Variants in CNTN5 observed in about 807,000 individuals in gnomAD.
CNTN5 encodes the protein contactin-5.
CNTN5 carries 77 observed loss-of-function variants against 129.1 expected under a neutral mutation model. The observed-to-expected ratio is 0.60, with a 90% CI of 0.50 to 0.72. The LOEUF is 0.72. Ranked by LOEUF, CNTN5 falls within the 30% of genes least tolerant of loss-of-function variation. CNTN5 has a pLI of 0.00. For missense variants in CNTN5, 1,478 were observed against 1,328.8 expected, an observed-to-expected ratio of 1.11 and a Z score of -1.75; for synonymous variants, 509 against 465.6, an observed-to-expected ratio of 1.09 and a Z score of -1.20.
At chr11:99,957,058 A>T in intron 8 of CNTN5, 49 bp downstream of exon 8, 1 of 1,493,702 alleles carries the variant, frequency 6.7e-7, no homozygotes, top group Non-Finnish European at 9.2e-7. Flanking sequence ...AATTTGGAAA[A>T]TAAAGATGTA....
chr11:99,284,497 T>G (rs1863835579), intron 1 of CNTN5, among the ~76,000 whole-genome samples: 1 of 152,058 alleles, frequency 6.6e-6, no homozygotes, highest in South Asian at 2.1e-4. Flanking sequence ...TGTGACATAT[T>G]TTCTTATTTA....
intron 3 of CNTN5, among the ~76,000 whole-genome samples, chr11:99,807,967 T>C (rs1342492350): frequency 6.6e-6 from 1 of 152,164 alleles, no homozygotes; most frequent in African/African-American, 2.4e-5. Flanking sequence ...CTGTAACTTA[T>C]TCCCTAAGGG....
At chr11:99,214,811 A>C (rs1364638692) in intron 1 of CNTN5, among the ~76,000 whole-genome samples, 1 of 152,220 alleles carries the variant, frequency 6.6e-6, no homozygotes, top group East Asian at 1.9e-4. Flanking sequence ...GATACCATAA[A>C]CTTTCATCAT....
At chr11:100,139,239 G>A (rs919444501) in intron 13 of CNTN5, among the ~76,000 whole-genome samples, 1 of 151,970 alleles carries the variant, frequency 6.6e-6, no homozygotes, top group Non-Finnish European at 1.5e-5. Context: ...TTAAAGCCCC[G>A]GTTTAGCTCA....
intron 9 of CNTN5, among the ~76,000 whole-genome samples, chr11:100,033,452 C>T (rs1348842878): frequency 1.3e-5 from 2 of 151,980 alleles, no homozygotes; most frequent in African/African-American, 2.4e-5. Flanking sequence ...TATTTGTGAC[C>T]CCTTTCAGTC....
At chr11:99,296,453 C>T (rs764912447) in intron 1 of CNTN5, among the ~76,000 whole-genome samples, 26 of 152,178 alleles carry the variant, frequency 1.7e-4, no homozygotes, top group Non-Finnish European at 3.1e-4. Context: ...TGAAAATACA[C>T]TGTAGCATAA....
chr11:99,324,217 AT>A lies in CNTN5; in HGVS notation c.-209-1128del, dbSNP rs144792387. On this transcript the variant is annotated intron_variant, in intron 1 of 24. Transcript: ENST00000524871. ...AACTGAAATACTTTTTATCAATCTG[AT>A]CATGAAATATGTACCTTAGGTTTCC... 5.1e-3 allele frequency among the ~76,000 whole-genome samples: 782 copies of A among 152,328 alleles called. 4 individuals are homozygous for A. The highest frequency in any genetic ancestry group is 8.7e-3 in the Non-Finnish European group (594 of 68,026).
chr11:99,758,749 A>G (rs1215106599), intron 3 of CNTN5, among the ~76,000 whole-genome samples: 1 of 152,064 alleles, frequency 6.6e-6, no homozygotes. Context: ...AGACAGGATA[A>G]GGAATTTTGA....
chr11:100,294,451 T>TA (rs1247879205), intron 18 of CNTN5, among the ~76,000 whole-genome samples: 4 of 151,832 alleles, frequency 2.6e-5, no homozygotes, highest in Admixed American at 2.6e-4. Flanking sequence ...AGCTTGTGGA[T>TA]AAAGTATCAA....
chr11:99,270,704 C>T (rs1310518422), intron 1 of CNTN5, among the ~76,000 whole-genome samples: 2 of 151,908 alleles, frequency 1.3e-5, no homozygotes, highest in East Asian at 3.9e-4. Flanking sequence ...AACTCTCTGC[C>T]AGCCTTCCTA....
intron 2 of CNTN5, among the ~76,000 whole-genome samples, chr11:99,480,982 A>G (rs771329919): frequency 6.6e-6 from 1 of 152,122 alleles, no homozygotes; most frequent in Non-Finnish European, 1.5e-5. Flanking sequence ...ATGTCCTTGA[A>G]ACTTTTGAGA....
rs1363532112 is a variant in CNTN5 at position 99,078,069 on chromosome 11, A to G, written c.-210+56799A>G. ...TTTGCTAATATCACTGTTAAATTTC[A>G]ATTCAATTATTAATTAATGGGGATT... On this transcript the variant is annotated intron_variant, in intron 1 of 24. Transcript: ENST00000524871. 2.6e-5 allele frequency among the ~76,000 whole-genome samples: 4 copies of G among 152,172 alleles called. No homozygotes were observed. The East Asian group carries it at 7.7e-4, about 29-fold the overall frequency.
Position 99,343,427 on chromosome 11 carries a change from C to T in CNTN5, c.-71+17943C>T, listed in dbSNP as rs557839667. 1.5e-4 allele frequency among the ~76,000 whole-genome samples: 23 copies of T among 152,274 alleles called. No individual in the cohort carries two copies. In the East Asian group the frequency reaches 1.5e-3, roughly 10 times the overall value. On this transcript the variant is annotated intron_variant, in intron 2 of 24. Coordinates refer to ENST00000524871, the MANE Select transcript of CNTN5 (RefSeq NM_014361.4). Reference sequence around the variant, plus strand: ...TGTTAGTGAGTGCTTCATTATAAGACGTATCCTGTTCTGAAAAAGTAGACT... The same window carrying T: ...TGTTAGTGAGTGCTTCATTATAAGATGTATCCTGTTCTGAAAAAGTAGACT...
At chr11:100,161,193 A>ATGAT (rs1258260338) in intron 13 of CNTN5, among the ~76,000 whole-genome samples, 1 of 151,840 alleles carries the variant, frequency 6.6e-6, no homozygotes, top group African/African-American at 2.4e-5. Flanking sequence ...GAAGTTTTTC[A>ATGAT]TGATTGGGCT....
chr11:100,079,702 T>C (rs1308360118), intron 13 of CNTN5, among the ~76,000 whole-genome samples: 1 of 152,164 alleles, frequency 6.6e-6, no homozygotes, highest in East Asian at 1.9e-4. Flanking sequence ...ACTTTCACTT[T>C]TGAAGATTAC....
At chr11:99,993,231 G>A (rs1275138556) in intron 8 of CNTN5, among the ~76,000 whole-genome samples, 1 of 152,140 alleles carries the variant, frequency 6.6e-6, no homozygotes, top group Non-Finnish European at 1.5e-5. Flanking sequence ...ATTATACTCT[G>A]TGATTGAAGT....
intron 1 of CNTN5, among the ~76,000 whole-genome samples, chr11:99,307,848 G>T (rs76845933): frequency 0.016 from 2,433 of 152,244 alleles, 40 homozygotes; most frequent in African/African-American, 0.033. Context: ...ATATTTTCAC[G>T]CAGTTTTCAA....
intron 13 of CNTN5, among the ~76,000 whole-genome samples, chr11:100,172,456 C>T (rs1404814709): frequency 1.3e-5 from 2 of 151,876 alleles, no homozygotes; most frequent in African/African-American, 4.8e-5. Flanking sequence ...ATGCTGAGTG[C>T]TGGGATACTG....
At chr11:99,616,373 C>A (rs1055101356) in intron 3 of CNTN5, among the ~76,000 whole-genome samples, 8 of 152,160 alleles carry the variant, frequency 5.3e-5, no homozygotes, top group Admixed American at 5.2e-4. Context: ...TGAACTTAAT[C>A]TCCTTAAACA....
Sources: gnomAD v4.1 joint callset for allele counts (sites outside exome capture counted in the v4.1 genomes callset) on GRCh38, gnomAD v4.1.1 for gene constraint, MANE v1.5 for transcripts, NCBI Gene and HGNC (gene_info 2026-07-23, HGNC 2026-07-21) for gene names.